SHISA9: variants seen among roughly 807,000 people sequenced by gnomAD.
SHISA9 encodes protein shisa-9.
A neutral mutation model predicts 38.0 loss-of-function variants in SHISA9; 13 were observed. The observed-to-expected ratio is 0.34, with a 90% CI of 0.22 to 0.54. The LOEUF (loss-of-function observed/expected upper bound fraction) is 0.54, where lower values mean the gene tolerates loss of function less well. SHISA9 is among the 20% of genes least tolerant of loss of function. The probability of loss-of-function intolerance (pLI) is 0.91; values close to 1 mark genes in which losing one functional copy is unlikely to be tolerated. For synonymous variants in SHISA9, 275 were observed against 242.0 expected (o/e 1.14, Z -1.27); for missense variants, 538 against 575.8 (o/e 0.93, Z 0.67).
chr16:12,969,346 G>T (rs1160370221), intron 2 of SHISA9, among the ~76,000 whole-genome samples: 1 of 147,050 alleles, frequency 6.8e-6, no homozygotes, highest in African/African-American at 2.5e-5. Context: ...TTTGGGAGAT[G>T]ATTTTTTTTT....
chr16:13,416,438 T>A, the SHISA9 span, among the ~76,000 whole-genome samples: 1 of 152,150 alleles, frequency 6.6e-6, no homozygotes, highest in Non-Finnish European at 1.5e-5. Context: ...AGTTTAACCA[T>A]CATATGTCAT....
the SHISA9 span, among the ~76,000 whole-genome samples, chr16:13,285,468 T>G: frequency 1.3e-5 from 2 of 148,524 alleles, no homozygotes; most frequent in African/African-American, 2.5e-5. Flanking sequence ...TGTAGTTTTT[T>G]TTTTTTTTTT....
the SHISA9 span, among the ~76,000 whole-genome samples, chr16:13,403,812 G>A: frequency 3.3e-5 from 5 of 152,156 alleles, no homozygotes; most frequent in Admixed American, 2.0e-4. Context: ...GTAGATGAGC[G>A]TTTTGGTACC....
the SHISA9 span, among the ~76,000 whole-genome samples, chr16:13,434,419 G>GTTTTTTTTTTTT: frequency 0.033 from 2,140 of 63,978 alleles, 179 homozygotes; most frequent in African/African-American, 0.11. Flanking sequence ...GACAAGCTAT[G>GTTTTTTTTTTTT]TTTTTTTTTT....
the SHISA9 span, among the ~76,000 whole-genome samples, chr16:13,516,693 G>A: frequency 3.3e-5 from 5 of 152,074 alleles, no homozygotes; most frequent in South Asian, 4.2e-4. Flanking sequence ...CCAGCTACTC[G>A]GGAGGCTGAG....
chr16:13,228,375 G>C (rs2051299503), intron 4 of SHISA9, among the ~76,000 whole-genome samples: 1 of 152,216 alleles, frequency 6.6e-6, no homozygotes, highest in Non-Finnish European at 1.5e-5. Context: ...GGACAGACTT[G>C]AATGCCTCTG....
chr16:13,358,064 A>T, the SHISA9 span, among the ~76,000 whole-genome samples: 1 of 152,128 alleles, frequency 6.6e-6, no homozygotes, highest in Non-Finnish European at 1.5e-5. Flanking sequence ...GCCTGACAGT[A>T]TGCCTCTGTG....
intron 1 of SHISA9, among the ~76,000 whole-genome samples, chr16:12,915,627 T>C (rs1417590921): frequency 6.6e-6 from 1 of 152,146 alleles, no homozygotes; most frequent in Non-Finnish European, 1.5e-5. Context: ...TCCTCCACCA[T>C]ACTAATTATT....
At chr16:13,387,471 G>C in the SHISA9 span, among the ~76,000 whole-genome samples, 2,038 of 151,540 alleles carry the variant, frequency 0.013, 24 homozygotes, top group Middle Eastern at 0.021. Context: ...GAACAAGGAA[G>C]CTTCCTCCCC....
chr16:13,210,442 A>AT (rs2051107615), intron 3 of SHISA9, among the ~76,000 whole-genome samples: 1 of 151,914 alleles, frequency 6.6e-6, no homozygotes, highest in Non-Finnish European at 1.5e-5. Context: ...CAAAATTTTA[A>AT]TTTTATTAAA....
At chr16:13,063,949 C>A (rs2073405163) in intron 2 of SHISA9, among the ~76,000 whole-genome samples, 1 of 152,212 alleles carries the variant, frequency 6.6e-6, no homozygotes, top group African/African-American at 2.4e-5. Flanking sequence ...CTCTGCCCTA[C>A]CAAGGAGATA....
the SHISA9 span, among the ~76,000 whole-genome samples, chr16:13,464,033 T>C: frequency 6.6e-6 from 1 of 152,258 alleles, no homozygotes; most frequent in Non-Finnish European, 1.5e-5. Context: ...CATCCTCTTT[T>C]CTCCTCATTC....
chr16:13,412,124 T>A, the SHISA9 span, among the ~76,000 whole-genome samples: 1 of 152,108 alleles, frequency 6.6e-6, no homozygotes, highest in South Asian at 2.1e-4. Flanking sequence ...AAGGGACACG[T>A]TTCTGAGATC....
the SHISA9 span, among the ~76,000 whole-genome samples, chr16:13,249,306 G>A: frequency 1.3e-5 from 2 of 152,130 alleles, no homozygotes; most frequent in African/African-American, 2.4e-5. Context: ...GGTCAGCCTC[G>A]TTGAAGATAA....
intron 2 of SHISA9, among the ~76,000 whole-genome samples, chr16:12,993,765 C>A (rs2072420579): frequency 6.6e-6 from 1 of 152,138 alleles, no homozygotes; most frequent in African/African-American, 2.4e-5. Flanking sequence ...TGAGACCAGA[C>A]AATCACAAAA....
chr16:13,267,150 C>G, the SHISA9 span, among the ~76,000 whole-genome samples: 7 of 152,052 alleles, frequency 4.6e-5, no homozygotes, highest in African/African-American at 1.7e-4. Flanking sequence ...GGACCATATT[C>G]TAAGATGACA....
intron 2 of SHISA9, among the ~76,000 whole-genome samples, chr16:13,027,548 A>G (rs2072937739): frequency 6.6e-6 from 1 of 152,198 alleles, no homozygotes; most frequent in Non-Finnish European, 1.5e-5. Context: ...CCCAATGTCT[A>G]TCAATGGGAG....
At chr16:13,208,503 G>A (rs1380408496) in intron 3 of SHISA9, among the ~76,000 whole-genome samples, 1 of 142,882 alleles carries the variant, frequency 7.0e-6, no homozygotes, top group African/African-American at 2.7e-5. Flanking sequence ...GTGCCATGGC[G>A]CAATCTCGGC....
chr16:13,292,986 G>A, the SHISA9 span, among the ~76,000 whole-genome samples: 3 of 152,160 alleles, frequency 2.0e-5, no homozygotes, highest in African/African-American at 7.2e-5. Flanking sequence ...TCCATCAAAT[G>A]AGGATCTTTT....
Sources: gnomAD v4.1 joint callset for allele counts (sites outside exome capture counted in the v4.1 genomes callset) on GRCh38, gnomAD v4.1.1 for gene constraint, MANE v1.5 for transcripts, NCBI Gene and HGNC (gene_info 2026-07-23, HGNC 2026-07-21) for gene names.